RAP1B: variants seen among roughly 807,000 people sequenced by gnomAD.
RAP1B encodes ras-related protein Rap-1b.
Under a neutral mutation model 27.5 loss-of-function variants are expected in RAP1B, and 1 was observed. The ratio of observed to expected loss-of-function variants is 0.04; its 90% confidence interval spans 0.01 to 0.17. RAP1B has a LOEUF of 0.17. Among genes scored for constraint, RAP1B ranks in the 10% least tolerant of loss-of-function variants. The pLI is 1.00. For missense variants in RAP1B, 84 were observed against 214.8 expected (o/e 0.39, Z 3.81); for synonymous variants, 75 against 73.1 (o/e 1.03, Z -0.13).
chr12:68,636,227 A>C (rs1465499811), intron 1 of RAP1B, among the ~76,000 whole-genome samples: 1 of 152,116 alleles, frequency 6.6e-6, no homozygotes, highest in Non-Finnish European at 1.5e-5. Flanking sequence ...TATGCTTTTT[A>C]AATGTTGCTT....
At chr12:68,652,512 TTGAA>T (rs1249374778) in intron 4 of RAP1B, among the ~76,000 whole-genome samples, 2 of 152,120 alleles carry the variant, frequency 1.3e-5, no homozygotes, top group Non-Finnish European at 2.9e-5. Flanking sequence ...TGTTGTTCCG[TTGAA>T]TCCTTAATTT....
intron 1 of RAP1B, among the ~76,000 whole-genome samples, chr12:68,647,392 C>CG (rs1873500410): frequency 7.5e-5 from 2 of 26,528 alleles, no homozygotes; most frequent in Admixed American, 3.1e-4. Flanking sequence ...TCCCCGCCCC[C>CG]CCCCCCCCCC....
intron 1 of RAP1B, chr12:68,642,640 C>T (rs1160671417): frequency 2.8e-6 from 3 of 1,065,674 alleles, no homozygotes; most frequent in Non-Finnish European, 4.4e-6. Context: ...TCTTCATCTT[C>T]TCCATCTGTT....
At chr12:68,637,832 C>T (rs1394210212) in intron 1 of RAP1B, among the ~76,000 whole-genome samples, 1 of 152,052 alleles carries the variant, frequency 6.6e-6, no homozygotes, top group Non-Finnish European at 1.5e-5. Context: ...GAACTAGCCT[C>T]ACTCAGTTCA....
chr12:68,636,025 C>T (rs1437618830), intron 1 of RAP1B, among the ~76,000 whole-genome samples: 1 of 151,748 alleles, frequency 6.6e-6, no homozygotes, highest in African/African-American at 2.4e-5. Flanking sequence ...ACTACAAGCG[C>T]CCGCCACCAC....
chr12:68,647,179 AG>A (rs751946031), intron 1 of RAP1B, among the ~76,000 whole-genome samples: 8 of 152,244 alleles, frequency 5.3e-5, no homozygotes, highest in Non-Finnish European at 1.0e-4. Flanking sequence ...CGGCTTTGCG[AG>A]TAGCTGTGAT....
rs527573827 is a variant in RAP1B at position 68,664,310 on chromosome 12, C to T, written c.*5061C>T. The T allele has an allele frequency of 1.3e-5, 2 of 152,308 alleles. No homozygotes were observed. Among genetic ancestry groups the T allele is most frequent in the East Asian group, 3.9e-4 (2 of 5,190 alleles). 9.4% of individuals were successfully genotyped at this position (152,308 alleles called of 1,614,324 possible). ...TATTTATGTCTGGTAGTTATGTCCC[C>T]TGTGAGCACTAATTTCAGAACAGGA... On this transcript the variant is annotated 3_prime_UTR_variant, in exon 8 of 8. Coordinates refer to ENST00000250559, the MANE Select transcript of RAP1B (RefSeq NM_001010942.3).
At chr12:68,652,161 T>G (rs959793606) in intron 4 of RAP1B, 110 bp downstream of exon 4, 4 of 829,924 alleles carry the variant, frequency 4.8e-6, no homozygotes, top group Non-Finnish European at 7.5e-6. Context: ...AAGTACTGCT[T>G]GCAGCCGGTT....
chr12:68,634,185 A>T (rs1032913355), intron 1 of RAP1B, among the ~76,000 whole-genome samples: 3 of 152,238 alleles, frequency 2.0e-5, no homozygotes, highest in African/African-American at 4.8e-5. Flanking sequence ...ATATAATTTT[A>T]AAAAATAGCA....
chr12:68,641,791 G>GT (rs775406696), intron 1 of RAP1B, among the ~76,000 whole-genome samples: 1 of 133,950 alleles, frequency 7.5e-6, no homozygotes, highest in African/African-American at 2.7e-5. Flanking sequence ...TGAATCAAAG[G>GT]TAAAAAAAAA....
chr12:68,621,391 A>G (rs1012027255), intron 1 of RAP1B: 2 of 152,208 alleles, frequency 1.3e-5, no homozygotes, highest in Admixed American at 6.5e-5. Context: ...AGTTGAAAAT[A>G]TTGCATTAAA....
chr12:68,616,899 T>C (rs1253519154), intron 1 of RAP1B, among the ~76,000 whole-genome samples: 1 of 152,180 alleles, frequency 6.6e-6, no homozygotes, highest in East Asian at 1.9e-4. Context: ...TTTAAAAATA[T>C]ACAGTGAACT....
chr12:68,618,214 G>A (rs1398897336), intron 1 of RAP1B, among the ~76,000 whole-genome samples: 11 of 147,010 alleles, frequency 7.5e-5, no homozygotes, highest in Non-Finnish European at 1.6e-4. Context: ...AGCCTCTCGA[G>A]TAGCTGGGAT....
intron 1 of RAP1B, among the ~76,000 whole-genome samples, chr12:68,641,805 CAG>C (rs1269736463): frequency 8.4e-4 from 121 of 143,784 alleles, no homozygotes; most frequent in African/African-American, 2.7e-3. Flanking sequence ...AAAAAAAAAA[CAG>C]TGTAGAAAAT....
chr12:68,611,816 CTT>C (rs1870618180), intron 1 of RAP1B, among the ~76,000 whole-genome samples: 1 of 152,158 alleles, frequency 6.6e-6, no homozygotes, highest in Non-Finnish European at 1.5e-5. Context: ...GTCCTCTTCT[CTT>C]TTTCGCCATC....
chr12:68,626,143 G>A (rs2135926603), intron 1 of RAP1B, among the ~76,000 whole-genome samples: 1 of 152,282 alleles, frequency 6.6e-6, no homozygotes, highest in African/African-American at 2.4e-5. Context: ...TCCTTGTGGA[G>A]GGTGGTGGTT....
At chr12:68,625,973 T>C (rs1373376361) in intron 1 of RAP1B, among the ~76,000 whole-genome samples, 1 of 152,146 alleles carries the variant, frequency 6.6e-6, no homozygotes, top group African/African-American at 2.4e-5. Flanking sequence ...ATTAAGCTTG[T>C]CACCTGATCC....
intron 1 of RAP1B, among the ~76,000 whole-genome samples, chr12:68,643,880 TAAGCAA>T (rs1376831381): frequency 2.6e-5 from 4 of 152,100 alleles, no homozygotes; most frequent in African/African-American, 9.7e-5. Context: ...GGAAAAAAAA[TAAGCAA>T]AAGGAAAAGA....
At chr12:68,616,600 A>G (rs1468965700) in intron 1 of RAP1B, among the ~76,000 whole-genome samples, 1 of 151,786 alleles carries the variant, frequency 6.6e-6, no homozygotes, top group Non-Finnish European at 1.5e-5. Context: ...CACCCAGCTA[A>G]GTTTTGTATT....
Sources: allele counts gnomAD v4.1 joint callset (sites outside exome capture counted in the v4.1 genomes callset), GRCh38; gene constraint gnomAD v4.1.1; transcripts MANE v1.5; gene names NCBI Gene and HGNC (gene_info 2026-07-23, HGNC 2026-07-21).